The following DYNC1H1 variants were observed in gnomAD, a reference collection of about 807,000 sequenced individuals.
DYNC1H1 encodes cytoplasmic dynein 1 heavy chain 1.
In DYNC1H1, 51 loss-of-function variants were observed where a neutral mutation model predicts 527.1. The ratio of observed to expected loss-of-function variants is 0.10; its 90% CI spans 0.08 to 0.12. The LOEUF (loss-of-function observed/expected upper bound fraction) is 0.12, where lower values mean the gene tolerates loss of function less well. Ranked by LOEUF, DYNC1H1 falls within the 10% of genes least tolerant of loss-of-function variation. The pLI is 1.00. For missense variants in DYNC1H1, 2,771 were observed against 5,971.8 expected, an observed-to-expected ratio of 0.46 and a Z score of 17.66; for synonymous variants, 2,189 against 2,278.8, an observed-to-expected ratio of 0.96 and a Z score of 1.12.
intron 5 of DYNC1H1, among the ~76,000 whole-genome samples, chr14:101,981,216 C>T (rs2047860297): frequency 1.3e-5 from 2 of 152,068 alleles, no homozygotes; most frequent in Admixed American, 6.6e-5. Context: ...CTGGAGTTCC[C>T]AGGCTCAAGC....
Position 101,999,719 on chromosome 14 carries a change from G to A in DYNC1H1, c.3805-270G>A, listed in dbSNP as rs1052197655. 5.3e-5 allele frequency among the ~76,000 whole-genome samples: 8 copies of A among 152,230 alleles called. No homozygotes were observed. The South Asian group carries it at 1.0e-3, about 20-fold the overall frequency. ...CCGAGTCTGTGCTGCCTCTTCTCCC[G>A]CCTTCCAGGGTACTGAATAAGACAA... On this transcript the variant is annotated intron_variant, in intron 16 of 77. Transcript: ENST00000360184.
In DYNC1H1 at chr14:101,975,811, A is replaced by G. The variant is rs2141266738; in HGVS notation, c.344+12A>G. The G allele has an allele frequency of 6.4e-7, 1 of 1,560,340 alleles. No individual in the cohort carries two copies. The highest frequency in any genetic ancestry group is 8.8e-7 in the Non-Finnish European group (1 of 1,131,532). On this transcript the variant is annotated intron_variant, in intron 2 of 77. Transcript: ENST00000360184. Reference sequence around the variant, plus strand: ...GTTAAATCCAATAGGTGAGTAGTACAAATATTACCATTATCTCAGGTTATA... The same window carrying G: ...GTTAAATCCAATAGGTGAGTAGTACGAATATTACCATTATCTCAGGTTATA...
chr14:102,004,702 C>G lies in DYNC1H1; in HGVS notation c.5049+19C>G. ...AGAGGAGGTAAATTTATGTTCGTAA[C>G]TTTTAAAACTTCTCTCACATTTTTG... On this transcript the variant is annotated intron_variant, in intron 24 of 77. Transcript: ENST00000360184. 1 of 1,614,114 alleles carries G rather than the reference C, an allele frequency of 6.2e-7. No individual in the cohort carries two copies. The highest frequency in any genetic ancestry group is 1.1e-5 in the South Asian group (1 of 91,068).
chr14:102,004,432 C>T (rs1306553282), intron 23 of DYNC1H1, 86 bp from the exon 24 acceptor site: 1 of 1,445,748 alleles, frequency 6.9e-7, no homozygotes, highest in Admixed American at 2.2e-5. Flanking sequence ...CATGTTCTTT[C>T]CCTTCCTGCA....
At chr14:101,982,850 C>T (rs1406175081) in intron 5 of DYNC1H1, among the ~76,000 whole-genome samples, 169 bp from the exon 6 acceptor site, 3 of 152,036 alleles carry the variant, frequency 2.0e-5, no homozygotes, top group African/African-American at 4.8e-5. Context: ...AAAAATGGAG[C>T]GCCACTAGGG....
Position 101,965,459 on chromosome 14 carries a change from G to A in DYNC1H1, c.256+512G>A, listed in dbSNP as rs912145477. Among the ~76,000 whole-genome samples, 7 of 152,206 alleles carry A rather than the reference G, an allele frequency of 4.6e-5. No individual in the cohort carries two copies. Among genetic ancestry groups the A allele is most frequent in the African/African-American group, 1.7e-4 (7 of 41,462 alleles). The stretch of plus-strand genomic sequence containing the variant: ...CAGACCCGCGGAGCTGGGGGCAGCC[G>A]GGGTTCTGGTTCGGGAGGAGGTCGG... On this transcript the variant is annotated intron_variant, in intron 1 of 77. Coordinates refer to ENST00000360184, the MANE Select transcript of DYNC1H1 (RefSeq NM_001376.5). The surrounding 1 kb of genome is among the most constrained non-coding windows in gnomAD (Gnocchi z 4.1).
chr14:102,048,785 G>A (rs559795979), intron 74 of DYNC1H1, 116 bp downstream of exon 74: 25 of 1,052,350 alleles, frequency 2.4e-5, no homozygotes, highest in Admixed American at 1.4e-4. Context: ...AGGAGCTTCC[G>A]AGAGCAGCTC....
chr14:102,050,331 C>T lies in DYNC1H1; in HGVS notation c.13813-104C>T, dbSNP rs187476412. The T allele has an allele frequency of 1.5e-4, 247 of 1,610,434 alleles. No homozygotes were observed. In the African/African-American group the frequency reaches 2.9e-3, roughly 19 times the overall value. ...GTTCACAGAGGAAATCCATTTCGCA[C>T]CTGTCCAAACCTCTCCTTGCCGGGC... On this transcript the variant is annotated intron_variant, in intron 77 of 77. Transcript: ENST00000360184.
At position 101,999,994 on chromosome 14, in the gene DYNC1H1, C is replaced by T; in HGVS notation, c.3810C>T (p.Asn1270=). Reference sequence around the variant, plus strand: ...TGTGCTCTGACTGCTTTCAGGGCAACCTTCGCCCAGAAGAGGCACTTCAGG... The same window carrying T: ...TGTGCTCTGACTGCTTTCAGGGCAATCTTCGCCCAGAAGAGGCACTTCAGG... ...DWEKTKPVTG[N]LRPEEALQAL... The change falls in exon 17 of 78, where the codon AAC becomes AAT. Residue 1270 remains asparagine, a synonymous_variant. Transcript: ENST00000360184. The T allele has an allele frequency of 6.2e-7, 1 of 1,614,192 alleles. No individual in the cohort carries two copies. Among genetic ancestry groups the T allele is most frequent in the East Asian group, 2.2e-5 (1 of 44,888 alleles).
chr14:101,988,049 GC>G (rs1235285618), intron 9 of DYNC1H1, among the ~76,000 whole-genome samples: 17 of 152,120 alleles, frequency 1.1e-4, no homozygotes, highest in African/African-American at 4.1e-4. Context: ...CTGCACTCTA[GC>G]AGAGTGAGAC....
At position 102,048,125 on chromosome 14, in the gene DYNC1H1, C is replaced by T. The variant is rs112605994; in HGVS notation, c.13218+97C>T. ...CCATGGACCATTGGTTCCACTGTGCCGGACGGAACGTACTCACACCGGTGT... is the reference window on the plus strand; with the variant it reads ...CCATGGACCATTGGTTCCACTGTGCTGGACGGAACGTACTCACACCGGTGT... On this transcript the variant is annotated intron_variant, in intron 73 of 77. Transcript: ENST00000360184. The T allele has an allele frequency of 3.9e-5, 56 of 1,442,452 alleles. 1 individual carries two copies. Among genetic ancestry groups the T allele is most frequent in the African/African-American group, 3.7e-4 (26 of 70,914 alleles). The allele number at this position is 1,442,452 out of a possible 1,614,324, so 89.4% of individuals were successfully genotyped here.
Position 102,008,480 on chromosome 14 carries a change from G to A in DYNC1H1, c.5977+143G>A, listed in dbSNP as rs2048222380. Reference sequence around the variant, plus strand: ...GTTACAGGCAGTGTAGTGAGCTGTGGTTAAAGACGGAAGGTAAGAAACCCA... The same window carrying A: ...GTTACAGGCAGTGTAGTGAGCTGTGATTAAAGACGGAAGGTAAGAAACCCA... On this transcript the variant is annotated intron_variant, in intron 29 of 77. Transcript: ENST00000360184. 2.5e-6 allele frequency: 3 copies of A among 1,214,540 alleles called. No homozygotes were observed. The East Asian group carries it at 7.8e-5, about 32-fold the overall frequency. 75.2% of individuals were successfully genotyped at this position (1,214,540 alleles called of 1,614,324 possible).
rs762065704 is a variant in DYNC1H1, at chr14:102,015,897, G to A, written c.7284G>A (p.Thr2428=). The A allele has an allele frequency of 3.1e-5, 50 of 1,614,112 alleles. No individual in the cohort carries two copies. The highest frequency in any genetic ancestry group is 3.8e-5 in the Non-Finnish European group (45 of 1,180,048). The change falls in exon 36 of 78, where the codon ACG becomes ACA. Residue 2428 remains threonine (T), a synonymous_variant. Transcript: ENST00000360184. The surrounding 1 kb of genome is among the most constrained non-coding windows in gnomAD (Gnocchi z 6.9). ...DAATIMQPYF[T]SNGLVTKALE... is the part of the protein sequence containing the mutation. ...CTACGATCATGCAACCGTACTTCAC[G>A]TCCAACGGCCTGGTCACCAAGGCGC...
Position 101,979,172 on chromosome 14 carries a change from A to G in DYNC1H1, c.345-147A>G, listed in dbSNP as rs545945985. ...CATTCTGTAACCATAACCTTGATTCAGTAGCTCTCATGTACTAAAGAAAGA... is the reference window on the plus strand; with the variant it reads ...CATTCTGTAACCATAACCTTGATTCGGTAGCTCTCATGTACTAAAGAAAGA... On this transcript the variant is annotated intron_variant, in intron 2 of 77. Coordinates refer to ENST00000360184, the MANE Select transcript of DYNC1H1 (RefSeq NM_001376.5). This position sits in a 1 kb window ranked among gnomAD's most constrained non-coding sequence, Gnocchi z 4.6. 75 of 760,106 alleles carry G rather than the reference A, an allele frequency of 9.9e-5. No individual in the cohort carries two copies. In the South Asian group the frequency reaches 1.2e-3, roughly 12 times the overall value. The allele number at this position is 760,106 out of a possible 1,614,324, so 47.1% of individuals were successfully genotyped here.
chr14:102,030,131 A>T (rs775465759), intron 50 of DYNC1H1, 31 bp from the exon 51 acceptor site: 82 of 1,614,058 alleles, frequency 5.1e-5, no homozygotes, highest in Non-Finnish European at 6.8e-5. Flanking sequence ...ACCAATGCTT[A>T]ACCCATACCT....
chr14:102,006,337 C>T (rs1395734279), intron 27 of DYNC1H1, among the ~76,000 whole-genome samples, 167 bp downstream of exon 27: 1 of 152,174 alleles, frequency 6.6e-6, no homozygotes, highest in African/African-American at 2.4e-5. Context: ...CGGGTTCAAG[C>T]CATTCTCCTG....
At chr14:102,019,478 T>G (rs2048361213) in intron 41 of DYNC1H1, among the ~76,000 whole-genome samples, 1 of 152,268 alleles carries the variant, frequency 6.6e-6, no homozygotes, top group Non-Finnish European at 1.5e-5. Context: ...TTAAGTATTT[T>G]CAGAAGGATT....
intron 72 of DYNC1H1, among the ~76,000 whole-genome samples, chr14:102,047,042 G>A (rs547926514): frequency 2.0e-5 from 3 of 152,278 alleles, no homozygotes; most frequent in South Asian, 4.1e-4. Flanking sequence ...AGATGCTCCC[G>A]CTTCCGCCTC....
In DYNC1H1 at chr14:102,004,747, T is replaced by C. The variant is rs190979027; in HGVS notation, c.5050-15T>C. On this transcript the variant is annotated splice_polypyrimidine_tract_variant and intron_variant, in intron 24 of 77. Coordinates refer to ENST00000360184, the MANE Select transcript of DYNC1H1 (RefSeq NM_001376.5). ...TTTTTGCATACCTCATTTCTTAAAA[T>C]TGTATTTATTTCAGGTTATGTTTAA... The C allele has an allele frequency of 1.3e-4, 203 of 1,614,172 alleles. 1 individual carries two copies. In the African/African-American group the frequency reaches 1.8e-3, roughly 15 times the overall value.
Sources: allele counts gnomAD v4.1 joint callset (sites outside exome capture counted in the v4.1 genomes callset), GRCh38; gene constraint gnomAD v4.1.1; non-coding constraint Gnocchi (gnomAD v3.1); transcripts MANE v1.5; gene names NCBI Gene and HGNC (gene_info 2026-07-23, HGNC 2026-07-21).